The following PTCH1 variants were observed in gnomAD, a reference collection of about 807,000 sequenced individuals.
PTCH1 encodes patched 1.
In PTCH1, 14 loss-of-function variants were observed where a neutral mutation model predicts 144.6. The observed-to-expected ratio is 0.10, with a 90% CI of 0.06 to 0.15. The LOEUF is 0.15. PTCH1 is among the 10% of genes least tolerant of loss of function. The pLI is 1.00. For synonymous variants in PTCH1, 833 were observed against 793.6 expected, an observed-to-expected ratio of 1.05 and a Z score of -0.83; for missense variants, 1,623 against 1,948.3, an observed-to-expected ratio of 0.83 and a Z score of 3.14.
intron 2 of PTCH1, among the ~76,000 whole-genome samples, chr9:95,497,101 A>C (rs1366597110): frequency 6.6e-6 from 1 of 152,202 alleles, no homozygotes; most frequent in Non-Finnish European, 1.5e-5. Flanking sequence ...TAATCAGGAG[A>C]ATATTGGCGC....
At chr9:95,474,916 G>A (rs1021942308) in intron 12 of PTCH1, among the ~76,000 whole-genome samples, 1 of 152,132 alleles carries the variant, frequency 6.6e-6, no homozygotes, top group Middle Eastern at 3.2e-3. Context: ...AAGTGACACA[G>A]AAGTCATTTC....
At chr9:95,471,448 T>C (rs1564038819) in intron 12 of PTCH1, among the ~76,000 whole-genome samples, 1 of 152,258 alleles carries the variant, frequency 6.6e-6, no homozygotes, top group Non-Finnish European at 1.5e-5. Context: ...ATTTAAGACC[T>C]GTCTGATAGA....
At chr9:95,446,826 G>A (rs552784979) in intron 23 of PTCH1, 85 bp downstream of exon 23, 5 of 1,577,242 alleles carry the variant, frequency 3.2e-6, no homozygotes, top group Admixed American at 1.7e-5. Context: ...ACAGCCCCTC[G>A]GGGATGCCGA....
intron 20 of PTCH1, chr9:95,452,278 T>C (rs1164441795): frequency 6.6e-6 from 1 of 152,122 alleles, no homozygotes; most frequent in African/African-American, 2.4e-5. Flanking sequence ...AAACTTCTAG[T>C]TGAAACCCTC....
At chr9:95,484,995 C>T (rs1227737161) in intron 3 of PTCH1, among the ~76,000 whole-genome samples, 2 of 152,094 alleles carry the variant, frequency 1.3e-5, no homozygotes, top group African/African-American at 4.8e-5. Flanking sequence ...CACTTGAGGT[C>T]AGGAGTTCGA....
At chr9:95,447,628 G>A (rs746086919) in intron 22 of PTCH1, among the ~76,000 whole-genome samples, 177 bp from the exon 23 acceptor site, 4 of 152,338 alleles carry the variant, frequency 2.6e-5, no homozygotes, top group East Asian at 1.9e-4. Context: ...AGGACCTGGC[G>A]GAGGAGCGTG....
In PTCH1 at chr9:95,469,849, T is replaced by G. The variant is rs756951491; in HGVS notation, c.1811A>C (p.Glu604Ala). The change falls in exon 13 of 24, where the codon GAG becomes GCG. Residue 604 changes from glutamate to alanine, a missense_variant. Glu to Ala is a moderately radical substitution (Grantham distance 107). Transcript: ENST00000331920. ...AILSMDLYRR[E>A]DRRLDIFCCF... ...GCAGAAAATATCCAGTCTCCTGTCC[T>G]CGCGTCGATATAAATCCATGCTGAG... The G allele has an allele frequency of 6.2e-7, 1 of 1,614,068 alleles. No homozygotes were observed. The highest frequency in any genetic ancestry group is 8.5e-7 in the Non-Finnish European group (1 of 1,179,972).
rs1588540767 is a variant in PTCH1 at position 95,458,246 on chromosome 9, T to G, written c.2935A>C (p.Asn979His). Residue 979 changes from asparagine to histidine, a missense_variant, in exon 18 of 24, where the codon AAC becomes CAC. By Grantham distance (68) the Asn-to-His change is moderately conservative. Transcript: ENST00000331920. The surrounding 1 kb of genome is among the most constrained non-coding windows in gnomAD (Gnocchi z 4.7). ...AAGTCTGAGGTGTCCCGCAAGCCGTTGAGGTAGAAAGGGAACTGGGCATAC... is the reference window on the plus strand; with the variant it reads ...AAGTCTGAGGTGTCCCGCAAGCCGTGGAGGTAGAAAGGGAACTGGGCATAC... ...IEYAQFPFYL[N>H]GLRDTSDFVE... 6.2e-7 allele frequency: 1 copy of G among 1,613,942 alleles called. No homozygotes were observed. The highest frequency in any genetic ancestry group is 8.5e-7 in the Non-Finnish European group (1 of 1,180,012).
intron 7 of PTCH1, 149 bp from the exon 8 acceptor site, chr9:95,479,296 A>G (rs1841347614): frequency 9.7e-7 from 1 of 1,029,666 alleles, no homozygotes; most frequent in African/African-American, 1.6e-5. Context: ...TGGGACCAGG[A>G]TGGTTATTTT....
chr9:95,494,759 G>T (rs1403344360), intron 2 of PTCH1, among the ~76,000 whole-genome samples: 1 of 152,126 alleles, frequency 6.6e-6, no homozygotes, highest in Non-Finnish European at 1.5e-5. Flanking sequence ...GAAACCTCCT[G>T]AAGTCTTCAT....
chr9:95,448,661 C>T (rs1480178749), intron 22 of PTCH1, among the ~76,000 whole-genome samples: 1 of 151,988 alleles, frequency 6.6e-6, no homozygotes. Context: ...AAAAACCTGA[C>T]CTCTGTTGGC....
intron 2 of PTCH1, among the ~76,000 whole-genome samples, chr9:95,500,687 G>A (rs1428270358): frequency 1.3e-5 from 2 of 152,220 alleles, no homozygotes; most frequent in African/African-American, 4.8e-5. Context: ...ACAAGGGGGA[G>A]TGGTTTGTGA....
chr9:95,462,018 G>T lies in PTCH1; in HGVS notation c.2561-20C>A, dbSNP rs1361292543. 1.5e-5 allele frequency: 24 copies of T among 1,614,052 alleles called. No homozygotes were observed. The highest frequency in any genetic ancestry group is 1.9e-5 in the Non-Finnish European group (23 of 1,180,024). ...GAAGTCCTAGAAATGGCAAATGATT[G>T]TAACACATTATAACTCGCAGCCAGA... On this transcript the variant is annotated intron_variant, in intron 15 of 23. Transcript: ENST00000331920.
chr9:95,482,582 A>T (rs949923152), intron 3 of PTCH1: 4 of 331,408 alleles, frequency 1.2e-5, no homozygotes, highest in Non-Finnish European at 2.3e-5. Context: ...TTAGGTTTGC[A>T]AAGTATTGAC....
intron 15 of PTCH1, 73 bp downstream of exon 15, chr9:95,467,043 T>G: frequency 6.6e-7 from 1 of 1,504,494 alleles, no homozygotes; most frequent in Non-Finnish European, 9.2e-7. Flanking sequence ...GCTCTCATAA[T>G]CATGACAAAG....
intron 22 of PTCH1, among the ~76,000 whole-genome samples, 164 bp downstream of exon 22, chr9:95,448,905 T>G (rs1161929354): frequency 6.6e-6 from 1 of 152,092 alleles, no homozygotes; most frequent in Non-Finnish European, 1.5e-5. Context: ...TGAGAAAGAG[T>G]TAAATACTGG....
In PTCH1 at chr9:95,476,740, T is replaced by A. The variant is rs1330488748; in HGVS notation, c.1602+19A>T. ...AGCTGTGATGTCCCCAAAGCTCTCT[T>A]CTTTTGTTTTTGCATTACCTCAAAA... is the stretch of plus-strand genomic sequence containing the variant. On this transcript the variant is annotated intron_variant, in intron 11 of 23. Coordinates refer to ENST00000331920, the MANE Select transcript of PTCH1 (RefSeq NM_000264.5). The surrounding 1 kb of genome is among the most constrained non-coding windows in gnomAD (Gnocchi z 4.6). The A allele has an allele frequency of 6.2e-7, 1 of 1,605,596 alleles. No homozygotes were observed. Among genetic ancestry groups the A allele is most frequent in the Non-Finnish European group, 8.5e-7 (1 of 1,173,218 alleles).
At chr9:95,504,543 C>G (rs1843405664) in intron 2 of PTCH1, among the ~76,000 whole-genome samples, 1 of 152,082 alleles carries the variant, frequency 6.6e-6, no homozygotes, top group East Asian at 1.9e-4. Context: ...GTGGATGAGC[C>G]GGCCCTCCCT....
intron 22 of PTCH1, among the ~76,000 whole-genome samples, chr9:95,447,991 G>A (rs532907327): frequency 2.8e-4 from 43 of 152,332 alleles, no homozygotes; most frequent in African/African-American, 7.9e-4. Flanking sequence ...ACGTGTGGCC[G>A]GTGGCTCCCA....
Sources: allele counts gnomAD v4.1 joint callset (sites outside exome capture counted in the v4.1 genomes callset), GRCh38; gene constraint gnomAD v4.1.1; non-coding constraint Gnocchi (gnomAD v3.1); transcripts MANE v1.5; gene names NCBI Gene and HGNC (gene_info 2026-07-23, HGNC 2026-07-21).